SETX: variants seen among roughly 807,000 people sequenced by gnomAD.
SETX encodes senataxin, also known as helicase senataxin.
A neutral mutation model predicts 227.2 loss-of-function variants in SETX; 90 were observed. The ratio of observed to expected loss-of-function variants is 0.40; its 90% confidence interval spans 0.33 to 0.47. The LOEUF is 0.47. SETX is among the 20% of genes least tolerant of loss of function. The probability of loss-of-function intolerance (pLI) is 0.91; values close to 1 mark genes in which losing one functional copy is unlikely to be tolerated. For synonymous variants in SETX, 1,210 were observed against 1,113.2 expected (o/e 1.09, Z -1.73); for missense variants, 3,052 against 3,181.5 (o/e 0.96, Z 0.98).
chr9:132,336,748 A>G (rs754200379), intron 5 of SETX, among the ~76,000 whole-genome samples: 7 of 152,232 alleles, frequency 4.6e-5, no homozygotes, highest in Non-Finnish European at 1.0e-4. Context: ...ACATTAAGTA[A>G]TTATTCTTTT....
At chr9:132,283,160 CA>C (rs371692040) in intron 19 of SETX, 103 bp downstream of exon 19, 32,910 of 1,080,668 alleles carry the variant, frequency 0.03, 4 homozygotes, top group Non-Finnish European at 0.034. Flanking sequence ...AAATCAGATG[CA>C]AAAAAAAAAA....
In SETX at chr9:132,329,439, G is replaced by A. The variant is rs780147092; in HGVS notation, c.2159C>T (p.Ser720Leu). The part of the protein sequence containing the change: ...RKQKSVKEIS[S>L]YTPKDCTSRN... ...TGAAGTACAGTCCTTTGGTGTATAT[G>A]AAGAGATCTCTTTTACAGACTTCTG... is the stretch of plus-strand genomic sequence containing the variant. Residue 720 changes from serine (S) to leucine (L), a missense_variant, in exon 10 of 26, where the codon TCA becomes TTA. By Grantham distance (145) the Ser-to-Leu change is moderately radical. Coordinates refer to ENST00000224140, the MANE Select transcript of SETX (RefSeq NM_015046.7). 6.2e-7 allele frequency: 1 copy of A among 1,613,406 alleles called. No homozygotes were observed. The highest frequency in any genetic ancestry group is 8.5e-7 in the Non-Finnish European group (1 of 1,179,930).
chr9:132,284,478 G>T (rs113701457), intron 18 of SETX, among the ~76,000 whole-genome samples: 1 of 152,154 alleles, frequency 6.6e-6, no homozygotes, highest in Admixed American at 6.5e-5. Context: ...TACTACTAAC[G>T]TCATCAGTTA....
At chr9:132,304,691 C>T (rs1392558964) in intron 11 of SETX, among the ~76,000 whole-genome samples, 3 of 151,470 alleles carry the variant, frequency 2.0e-5, no homozygotes, top group Non-Finnish European at 2.9e-5. Context: ...AAACCACAAC[C>T]GGGAAGGAAA....
intron 22 of SETX, 96 bp downstream of exon 22, chr9:132,276,964 G>A (rs1321015841): frequency 1.9e-6 from 2 of 1,046,772 alleles, no homozygotes; most frequent in Non-Finnish European, 3.0e-6. Context: ...ACTAGGCAGA[G>A]AGATGTGTAT....
rs367645221 is a variant in SETX at position 132,349,208 on chromosome 9, A to G, written c.177+44T>C. 2.5e-6 allele frequency: 4 copies of G among 1,570,928 alleles called. No individual in the cohort carries two copies. In the African/African-American group the frequency reaches 4.0e-5, roughly 16 times the overall value. The stretch of plus-strand genomic sequence containing the variant: ...CGGAGTTCAAACTTACTCTCTTCCC[A>G]GCTATCAAGCTCTGAAAAATATTGC... On this transcript the variant is annotated intron_variant, in intron 3 of 25. Transcript: ENST00000224140.
Position 132,329,983 on chromosome 9 carries a change from T to C in SETX, c.1615A>G (p.Ile539Val), listed in dbSNP as rs1275447907. 1 of 1,614,120 alleles carries C rather than the reference T, an allele frequency of 6.2e-7. No homozygotes were observed. Among genetic ancestry groups the C allele is most frequent in the Admixed American group, 1.7e-5 (1 of 60,028 alleles). ...TAACCTTCTTTAAGGAGACTTCTAA[T>C]CAGCTGCACATAAGCAAGTTGTACA... ...NSVQLAYVQL[I>V]RSLLKEGYQL... The change falls in exon 10 of 26, where the codon ATT becomes GTT. Residue 539 changes from isoleucine (I) to valine (V), a missense_variant. Ile to Val is a conservative substitution (Grantham distance 29). Coordinates refer to ENST00000224140, the MANE Select transcript of SETX (RefSeq NM_015046.7).
intron 15 of SETX, among the ~76,000 whole-genome samples, chr9:132,290,554 G>C (rs1306245890): frequency 1.7e-5 from 2 of 120,708 alleles, no homozygotes; most frequent in Non-Finnish European, 3.2e-5. Flanking sequence ...TGGCCTGGGA[G>C]ACAGAGCGAG....
intron 25 of SETX, 27 bp downstream of exon 25, chr9:132,269,588 T>A: frequency 4.3e-6 from 7 of 1,613,164 alleles, no homozygotes; most frequent in Non-Finnish European, 5.9e-6. Context: ...TAACAATGGG[T>A]AAACTTCTGA....
At chr9:132,297,222 C>T (rs992681765) in intron 13 of SETX, among the ~76,000 whole-genome samples, 168 bp from the exon 14 acceptor site, 2 of 152,246 alleles carry the variant, frequency 1.3e-5, no homozygotes, top group African/African-American at 2.4e-5. Context: ...CTAAAAAGCA[C>T]GTTCACTACT....
intron 22 of SETX, among the ~76,000 whole-genome samples, chr9:132,275,726 A>G (rs1313079571): frequency 6.6e-6 from 1 of 152,260 alleles, no homozygotes; most frequent in Non-Finnish European, 1.5e-5. Context: ...TCATCTGTTG[A>G]AACAGGGAGA....
chr9:132,283,371 C>A lies in SETX; in HGVS notation c.6439G>T (p.Glu2147Ter). 6.2e-7 allele frequency: 1 copy of A among 1,614,182 alleles called. No homozygotes were observed. Among genetic ancestry groups the A allele is most frequent in the Non-Finnish European group, 8.5e-7 (1 of 1,180,036 alleles). Residue 2147 changes from glutamate (E) to a stop codon, truncating the protein, a stop_gained, in exon 19 of 26, where the codon GAG becomes TAG. Coordinates refer to ENST00000224140, the MANE Select transcript of SETX (RefSeq NM_015046.7). LOFTEE classifies it high-confidence loss of function. ...AACGTGCAGCAGATGATATGGGACT[C>A]TAAGATGATGATACTCTGTGTTTTC... ...PQKTQSIIIL[E>*]SHIICCTLST...
intron 7 of SETX, among the ~76,000 whole-genome samples, chr9:132,332,957 G>A (rs1847337326): frequency 6.6e-6 from 1 of 151,426 alleles, no homozygotes; most frequent in African/African-American, 2.4e-5. Flanking sequence ...TTTTAAGATG[G>A]TTAAGGGAGC....
chr9:132,282,417 T>C (rs940162350), intron 19 of SETX, among the ~76,000 whole-genome samples: 8 of 151,486 alleles, frequency 5.3e-5, no homozygotes, highest in Admixed American at 5.3e-4. Context: ...GCCTCCCGAA[T>C]AACTGGAATG....
At chr9:132,282,860 G>A (rs1402877402) in intron 19 of SETX, 1 of 234,650 alleles carries the variant, frequency 4.3e-6, no homozygotes. Flanking sequence ...TCTACGTTCT[G>A]ACAAACAGTA....
intron 15 of SETX, among the ~76,000 whole-genome samples, chr9:132,292,731 C>G (rs1331890007): frequency 6.6e-6 from 1 of 151,410 alleles, no homozygotes; most frequent in Non-Finnish European, 1.5e-5. Context: ...CCGGGTTCAC[C>G]CCATTCTCCT....
At chr9:132,302,356 C>CAA (rs35649212) in intron 11 of SETX, among the ~76,000 whole-genome samples, 1,648 of 27,708 alleles carry the variant, frequency 0.059, 195 homozygotes, top group East Asian at 0.13. Flanking sequence ...GAATCCATCT[C>CAA]AAAAAAAAAA....
At chr9:132,279,714 C>T (rs753422183) in intron 20 of SETX, among the ~76,000 whole-genome samples, 2 of 152,162 alleles carry the variant, frequency 1.3e-5, no homozygotes, top group Admixed American at 1.3e-4. Flanking sequence ...CTCACAAAAC[C>T]TAATTTTTAA....
chr9:132,305,490 A>C (rs1845282048), intron 11 of SETX, among the ~76,000 whole-genome samples: 1 of 152,164 alleles, frequency 6.6e-6, no homozygotes, highest in Admixed American at 6.5e-5. Context: ...TCACAGTGGA[A>C]ACATGAGACG....
Sources: allele counts gnomAD v4.1 joint callset (sites outside exome capture counted in the v4.1 genomes callset), GRCh38; gene constraint gnomAD v4.1.1; transcripts MANE v1.5; gene names NCBI Gene and HGNC (gene_info 2026-07-23, HGNC 2026-07-21).